The following CTNND2 variants were observed in gnomAD, a reference collection of about 807,000 sequenced individuals.
CTNND2 encodes the protein catenin delta-2.
CTNND2 carries 22 observed loss-of-function variants against 144.4 expected under a neutral mutation model. That is an observed-to-expected ratio of 0.15 (90% CI 0.11 to 0.22). The LOEUF is 0.22. Ranked by LOEUF, CTNND2 falls within the 10% of genes least tolerant of loss-of-function variation. The probability of loss-of-function intolerance (pLI) is 1.00; values close to 1 mark genes in which losing one functional copy is unlikely to be tolerated. For missense variants in CTNND2, 1,353 were observed against 1,618.8 expected (o/e 0.84, Z 2.82); for synonymous variants, 751 against 695.6 (o/e 1.08, Z -1.25).
intron 2 of CTNND2, among the ~76,000 whole-genome samples, chr5:11,684,574 A>G (rs2126635181): frequency 6.6e-6 from 1 of 152,350 alleles, no homozygotes; most frequent in South Asian, 2.1e-4. Context: ...AATAAGATCA[A>G]GTATATTAAG....
At chr5:11,105,473 C>T (rs889280334) in intron 14 of CTNND2, among the ~76,000 whole-genome samples, 23 of 152,250 alleles carry the variant, frequency 1.5e-4, no homozygotes, top group Middle Eastern at 3.4e-3. Context: ...ATGCACAGGC[C>T]GGCTCCCTGG....
chr5:11,203,139 C>T (rs946359616), intron 10 of CTNND2, among the ~76,000 whole-genome samples: 1 of 152,178 alleles, frequency 6.6e-6, no homozygotes, highest in Admixed American at 6.5e-5. Flanking sequence ...ATCCATCTAC[C>T]AGTTTCTTCT....
chr5:11,081,078 A>T (rs968236727), intron 16 of CTNND2, among the ~76,000 whole-genome samples: 176 of 54,048 alleles, frequency 3.3e-3, no homozygotes, highest in African/African-American at 0.012. Flanking sequence ...CCTGTCACAC[A>T]CACACACACA....
intron 2 of CTNND2, among the ~76,000 whole-genome samples, chr5:11,620,692 C>G (rs1342523262): frequency 1.3e-5 from 2 of 152,114 alleles, no homozygotes; most frequent in Admixed American, 1.3e-4. Context: ...ATAAAACTTA[C>G]CTTTCAAAAC....
chr5:10,981,893 C>T (rs765662790), intron 20 of CTNND2, 47 bp from the exon 21 acceptor site: 1 of 1,508,870 alleles, frequency 6.6e-7, no homozygotes, highest in South Asian at 1.1e-5. Flanking sequence ...AACAACATTA[C>T]AAATAAGGAA....
intron 12 of CTNND2, among the ~76,000 whole-genome samples, chr5:11,123,354 T>C (rs946530703): frequency 6.6e-6 from 1 of 152,202 alleles, no homozygotes; most frequent in Non-Finnish European, 1.5e-5. Context: ...AGACCAGTGG[T>C]TCCTAACTAG....
chr5:11,245,828 G>A (rs1054379654), intron 9 of CTNND2, among the ~76,000 whole-genome samples: 10 of 152,154 alleles, frequency 6.6e-5, no homozygotes, highest in Non-Finnish European at 1.2e-4. Flanking sequence ...GGTGAGAGAG[G>A]CCAAGAAGCA....
chr5:11,185,331 A>G (rs1374282110), intron 11 of CTNND2, among the ~76,000 whole-genome samples: 1 of 152,164 alleles, frequency 6.6e-6, no homozygotes, highest in Non-Finnish European at 1.5e-5. Context: ...CAGAGCTCAC[A>G]TCTACATCAT....
intron 1 of CTNND2, among the ~76,000 whole-genome samples, chr5:11,772,219 C>T (rs1789988547): frequency 6.6e-6 from 1 of 151,898 alleles, no homozygotes; most frequent in South Asian, 2.1e-4. Context: ...ATTATTTCTG[C>T]TTTTGTTTTC....
intron 17 of CTNND2, among the ~76,000 whole-genome samples, chr5:11,021,677 T>G (rs1267144062): frequency 1.3e-5 from 2 of 152,122 alleles, no homozygotes; most frequent in Non-Finnish European, 2.9e-5. Context: ...AAACAGAAAC[T>G]CCGAATCTTC....
chr5:11,524,314 T>C (rs1397700818), intron 3 of CTNND2, among the ~76,000 whole-genome samples: 1 of 152,216 alleles, frequency 6.6e-6, no homozygotes, highest in Non-Finnish European at 1.5e-5. Flanking sequence ...ACGCCCTGAC[T>C]CAAACACAAT....
At chr5:11,776,638 C>T (rs1790269681) in intron 1 of CTNND2, among the ~76,000 whole-genome samples, 1 of 152,100 alleles carries the variant, frequency 6.6e-6, no homozygotes, top group Admixed American at 6.5e-5. Flanking sequence ...TAGCCTCAAC[C>T]TCACAAAGAG....
intron 9 of CTNND2, among the ~76,000 whole-genome samples, chr5:11,240,532 A>C (rs1324051497): frequency 5.7e-5 from 4 of 70,030 alleles, no homozygotes; most frequent in Non-Finnish European, 5.3e-5. Flanking sequence ...CAACACACAC[A>C]CCCAACACAC....
intron 7 of CTNND2, among the ~76,000 whole-genome samples, chr5:11,383,541 T>C (rs1758739730): frequency 6.6e-6 from 1 of 152,188 alleles, no homozygotes; most frequent in Admixed American, 6.5e-5. Flanking sequence ...GCTAGCATAA[T>C]TTTGTGGGCA....
At position 11,236,675 on chromosome 5, in the gene CTNND2, T is replaced by G. The variant is rs1371093684; in HGVS notation, c.1761+16A>C. ...GAATCTGACACCAATCATTTCAGAA[T>G]CCAAGGAGCACTGACCTCGGCTTTA... On this transcript the variant is annotated intron_variant, in intron 10 of 21. Coordinates refer to ENST00000304623, the MANE Select transcript of CTNND2 (RefSeq NM_001332.4). The G allele has an allele frequency of 6.2e-7, 1 of 1,613,444 alleles. No individual in the cohort carries two copies. The highest frequency in any genetic ancestry group is 8.5e-7 in the Non-Finnish European group (1 of 1,179,720).
At position 11,018,139 on chromosome 5, in the gene CTNND2, C is replaced by T. The variant is rs1741825905; in HGVS notation, c.3000-81G>A. 3 of 902,174 alleles carry T rather than the reference C, an allele frequency of 3.3e-6. No homozygotes were observed. In the African/African-American group the frequency reaches 4.9e-5, roughly 15 times the overall value. 55.9% of individuals were successfully genotyped at this position (902,174 alleles called of 1,614,324 possible). On this transcript the variant is annotated intron_variant, in intron 17 of 21. Coordinates refer to ENST00000304623, the MANE Select transcript of CTNND2 (RefSeq NM_001332.4). ...TCTGTAATTCTTGTAGTATTTCAAA[C>T]CTCTTCATTATTATTATATCTATTA... is the stretch of plus-strand genomic sequence containing the variant.
chr5:11,432,740 C>T (rs938063046), intron 3 of CTNND2, among the ~76,000 whole-genome samples: 6 of 152,090 alleles, frequency 3.9e-5, no homozygotes, highest in Admixed American at 6.5e-5. Flanking sequence ...TGGGGCACTT[C>T]GTTTTGGATT....
intron 9 of CTNND2, among the ~76,000 whole-genome samples, chr5:11,312,187 C>T (rs1432049107): frequency 2.0e-5 from 3 of 148,734 alleles, no homozygotes; most frequent in South Asian, 2.2e-4. Context: ...CCACACTCCC[C>T]ATACTCACCC....
At chr5:11,525,291 T>C (rs1203564272) in intron 3 of CTNND2, among the ~76,000 whole-genome samples, 2 of 152,098 alleles carry the variant, frequency 1.3e-5, no homozygotes, top group Admixed American at 1.3e-4. Context: ...CTTTGTGTAG[T>C]CCCTTCCCCA....
Sources: allele counts gnomAD v4.1 joint callset (sites outside exome capture counted in the v4.1 genomes callset), GRCh38; gene constraint gnomAD v4.1.1; transcripts MANE v1.5; gene names NCBI Gene and HGNC (gene_info 2026-07-23, HGNC 2026-07-21).